The following TGFBR2 variants were observed in gnomAD, a reference collection of about 807,000 sequenced individuals.
TGFBR2 encodes TGF-beta receptor type-2.
In TGFBR2, 18 loss-of-function variants were observed where a neutral mutation model predicts 49.0. The observed-to-expected ratio is 0.37, with a 90% CI of 0.25 to 0.54. TGFBR2 has a LOEUF of 0.54. Among genes scored for constraint, TGFBR2 ranks in the 20% least tolerant of loss-of-function variants. The pLI is 0.85. For synonymous variants in TGFBR2, 282 were observed against 275.9 expected, an observed-to-expected ratio of 1.02 and a Z score of -0.22; for missense variants, 525 against 722.6, an observed-to-expected ratio of 0.73 and a Z score of 3.13.
At chr3:30,669,350 G>A (rs1416433966) in intron 3 of TGFBR2, among the ~76,000 whole-genome samples, 1 of 152,020 alleles carries the variant, frequency 6.6e-6, no homozygotes, top group Admixed American at 6.6e-5. Context: ...CATGAGCCAG[G>A]AAAATTTAGG....
intron 3 of TGFBR2, among the ~76,000 whole-genome samples, chr3:30,657,770 C>T (rs1458097595): frequency 6.6e-6 from 1 of 152,118 alleles, no homozygotes; most frequent in African/African-American, 2.4e-5. Flanking sequence ...AATTCCTCCA[C>T]CTGAGTCCTA....
In TGFBR2 at chr3:30,671,825, G is replaced by A. The variant is rs750009827; in HGVS notation, c.642G>A (p.Glu214=). ...CGCGGAAGCTCATGGAGTTCAGCGAGCACTGTGCCATCATCCTGGAAGATG... is the reference window on the plus strand; with the variant it reads ...CGCGGAAGCTCATGGAGTTCAGCGAACACTGTGCCATCATCCTGGAAGATG... ...GKTRKLMEFS[E]HCAIILEDDR... is the part of the protein sequence containing the mutation. Residue 214 remains glutamate, a synonymous_variant, in exon 4 of 7, where the codon GAG becomes GAA. Coordinates refer to ENST00000295754, the MANE Select transcript of TGFBR2 (RefSeq NM_003242.6). The A allele has an allele frequency of 1.2e-6, 2 of 1,614,212 alleles. No homozygotes were observed. The highest frequency in any genetic ancestry group is 1.7e-6 in the Non-Finnish European group (2 of 1,180,040).
At chr3:30,641,288 T>C (rs1020356074) in intron 1 of TGFBR2, among the ~76,000 whole-genome samples, 4 of 152,340 alleles carry the variant, frequency 2.6e-5, no homozygotes, top group Admixed American at 1.3e-4. Flanking sequence ...AGCAAAGGTT[T>C]AGAGTAGCTT....
chr3:30,626,021 A>G (rs1434955853), intron 1 of TGFBR2, among the ~76,000 whole-genome samples: 1 of 152,246 alleles, frequency 6.6e-6, no homozygotes, highest in Non-Finnish European at 1.5e-5. Context: ...AAGAATTCCA[A>G]AGCCTGAGCC....
At chr3:30,643,021 C>A (rs1698672201) in intron 1 of TGFBR2, among the ~76,000 whole-genome samples, 1 of 152,022 alleles carries the variant, frequency 6.6e-6, no homozygotes, top group South Asian at 2.1e-4. Flanking sequence ...CACAAGAAAG[C>A]AAATCTTAAA....
At chr3:30,624,006 G>T (rs991894266) in intron 1 of TGFBR2, among the ~76,000 whole-genome samples, 1 of 152,070 alleles carries the variant, frequency 6.6e-6, no homozygotes, top group African/African-American at 2.4e-5. Context: ...AGCTGGGCAT[G>T]GTGGCGGGCG....
intron 4 of TGFBR2, 85 bp from the exon 5 acceptor site, chr3:30,674,020 G>A: frequency 2.6e-6 from 4 of 1,556,448 alleles, no homozygotes; most frequent in Non-Finnish European, 3.5e-6. Context: ...CTCTGCACGT[G>A]TCAGGGGCCA....
At chr3:30,642,605 G>A (rs35263707) in intron 1 of TGFBR2, among the ~76,000 whole-genome samples, 50,436 of 152,074 alleles carry the variant, frequency 0.33, 8,759 homozygotes, top group East Asian at 0.69. Context: ...TGGAAATTTG[G>A]TTTTATATTT....
intron 5 of TGFBR2, among the ~76,000 whole-genome samples, chr3:30,677,487 C>T (rs1575160363): frequency 6.6e-6 from 1 of 152,330 alleles, no homozygotes; most frequent in Middle Eastern, 3.4e-3. Flanking sequence ...TCCTCACGTT[C>T]GTCCTGACAC....
chr3:30,665,623 A>G (rs1461081), intron 3 of TGFBR2, among the ~76,000 whole-genome samples: 5,892 of 152,256 alleles, frequency 0.039, 385 homozygotes, highest in African/African-American at 0.14. Flanking sequence ...CAGCACAACA[A>G]ATCAAGCCAG....
Position 30,629,067 on chromosome 3 carries a change from G to A in TGFBR2, c.95-15680G>A, listed in dbSNP as rs144375990. On this transcript the variant is annotated intron_variant, in intron 1 of 6. Coordinates refer to ENST00000295754, the MANE Select transcript of TGFBR2 (RefSeq NM_003242.6). The stretch of plus-strand genomic sequence containing the variant: ...TCCTTCCATTTCCCTCTGGGCCTTC[G>A]TTTTCAGATCTCCTCAGAAGCCGAG... Among the ~76,000 whole-genome samples the A allele has an allele frequency of 1.4e-3, 218 of 152,186 alleles. 1 individual carries two copies. In the South Asian group the frequency reaches 0.027, roughly 19 times the overall value.
upstream of TGFBR2, chr3:30,606,419 C>G (rs753046390): frequency 8.7e-6 from 2 of 231,196 alleles, no homozygotes; most frequent in Non-Finnish European, 1.7e-5. Flanking sequence ...TGAGGGGCAG[C>G]TGAAAGTCGG....
chr3:30,627,248 G>GA (rs1448242475), intron 1 of TGFBR2, among the ~76,000 whole-genome samples: 1 of 152,172 alleles, frequency 6.6e-6, no homozygotes, highest in South Asian at 2.1e-4. Context: ...ATTAATTTTG[G>GA]AAAATGCCTT....
intron 5 of TGFBR2, among the ~76,000 whole-genome samples, chr3:30,684,665 G>A (rs1382777687): frequency 3.9e-5 from 6 of 152,136 alleles, no homozygotes; most frequent in African/African-American, 1.4e-4. Flanking sequence ...CCTTCCTTGT[G>A]AAATTACCCA....
intron 1 of TGFBR2, among the ~76,000 whole-genome samples, chr3:30,619,807 C>G (rs1698194885): frequency 6.6e-6 from 1 of 152,182 alleles, no homozygotes; most frequent in African/African-American, 2.4e-5. Context: ...GATTCCTTTT[C>G]CTGCCCATAG....
At chr3:30,616,813 T>G (rs1698142660) in intron 1 of TGFBR2, among the ~76,000 whole-genome samples, 1 of 152,088 alleles carries the variant, frequency 6.6e-6, no homozygotes. Flanking sequence ...CCATAGCTAT[T>G]TTGAAAATTT....
chr3:30,647,890 G>A (rs921903957), intron 2 of TGFBR2, among the ~76,000 whole-genome samples: 1 of 151,774 alleles, frequency 6.6e-6, no homozygotes, highest in African/African-American at 2.4e-5. Flanking sequence ...TGTTGGCCAG[G>A]CTGGTCTCGA....
intron 1 of TGFBR2, among the ~76,000 whole-genome samples, chr3:30,619,387 CCT>C (rs1698188422): frequency 6.6e-6 from 1 of 152,164 alleles, no homozygotes; most frequent in African/African-American, 2.4e-5. Context: ...GAATAGCTGG[CCT>C]CTGTTAGAAA....
rs978036900 is a variant in TGFBR2 at position 30,692,934 on chromosome 3, C to G, written c.*1335C>G. 2 of 233,268 alleles carry G rather than the reference C, an allele frequency of 8.6e-6. No homozygotes were observed. Among genetic ancestry groups the G allele is most frequent in the Non-Finnish European group, 1.7e-5 (2 of 117,986 alleles). The allele number at this position is 233,268 out of a possible 1,614,324, so 14.4% of individuals were successfully genotyped here. A position where few individuals can be genotyped will look rare whatever the true frequency, so the allele number is the denominator to read the frequency against. On this transcript the variant is annotated 3_prime_UTR_variant, in exon 7 of 7. Transcript: ENST00000295754. Reference sequence around the variant, plus strand: ...AGACACTTACAAAGCTGCCTCACTTCTCACTGTAAACATTAGCTCTTTCCA... The same window carrying G: ...AGACACTTACAAAGCTGCCTCACTTGTCACTGTAAACATTAGCTCTTTCCA...
Sources: gnomAD v4.1 joint callset for allele counts (sites outside exome capture counted in the v4.1 genomes callset) on GRCh38, gnomAD v4.1.1 for gene constraint, MANE v1.5 for transcripts, NCBI Gene and HGNC (gene_info 2026-07-23, HGNC 2026-07-21) for gene names.